Variants in DGKI observed in about 807,000 individuals in gnomAD.
DGKI encodes the protein diacylglycerol kinase iota.
Under a neutral mutation model 147.5 loss-of-function variants are expected in DGKI, and 55 were observed. The observed-to-expected ratio is 0.37, with a 90% CI of 0.30 to 0.47. The LOEUF is 0.47. DGKI is among the 20% of genes least tolerant of loss of function. DGKI has a pLI of 1.00. For missense variants in DGKI, 1,007 were observed against 1,323.8 expected (o/e 0.76, Z 3.71); for synonymous variants, 469 against 477.1 (o/e 0.98, Z 0.22).
intron 15 of DGKI, 74 bp from the exon 16 acceptor site, chr7:137,578,399 C>A: frequency 9.7e-7 from 1 of 1,031,988 alleles, no homozygotes; most frequent in Non-Finnish European, 1.5e-6. Flanking sequence ...ACTCCTACTT[C>A]CTCCCCAGCT....
At chr7:137,623,639 A>T in intron 6 of DGKI, 85 bp from the exon 7 acceptor site, 1 of 1,212,304 alleles carries the variant, frequency 8.2e-7, no homozygotes, top group Admixed American at 1.7e-5. Context: ...AATGACGTGA[A>T]TAAGGCCAGA....
intron 19 of DGKI, among the ~76,000 whole-genome samples, chr7:137,558,161 C>T (rs980666733): frequency 6.6e-5 from 10 of 152,216 alleles, no homozygotes; most frequent in Admixed American, 5.9e-4. Context: ...TCAGCTAATT[C>T]ATAGTTTTTG....
intron 6 of DGKI, among the ~76,000 whole-genome samples, chr7:137,638,499 T>C (rs374119834): frequency 8.5e-6 from 1 of 117,590 alleles, no homozygotes; most frequent in Non-Finnish European, 1.7e-5. Flanking sequence ...CACACATATA[T>C]ATGTATATAT....
At chr7:137,672,700 G>C (rs1230126068) in intron 3 of DGKI, among the ~76,000 whole-genome samples, 1 of 150,170 alleles carries the variant, frequency 6.7e-6, no homozygotes, top group Admixed American at 6.6e-5. Flanking sequence ...GCTTGCAGCT[G>C]CCTCACTCTA....
At chr7:137,435,807 T>C (rs942928326) in intron 28 of DGKI, among the ~76,000 whole-genome samples, 11 of 152,156 alleles carry the variant, frequency 7.2e-5, no homozygotes, top group Admixed American at 1.3e-4. Context: ...TGAGACAGAG[T>C]CTTGCTCTGT....
At chr7:137,812,102 T>C (rs1797607686) in intron 1 of DGKI, among the ~76,000 whole-genome samples, 1 of 152,142 alleles carries the variant, frequency 6.6e-6, no homozygotes, top group Admixed American at 6.5e-5. Context: ...CCCAGGGAGA[T>C]GCCCTTCACT....
intron 27 of DGKI, among the ~76,000 whole-genome samples, chr7:137,451,121 A>C (rs1053081643): frequency 1.1e-4 from 17 of 152,212 alleles, no homozygotes; most frequent in African/African-American, 4.1e-4. Context: ...GAAAACAAAC[A>C]AACAAACAAA....
chr7:137,487,387 G>A (rs1417707104), intron 22 of DGKI, among the ~76,000 whole-genome samples: 2 of 152,124 alleles, frequency 1.3e-5, no homozygotes, highest in Admixed American at 6.6e-5. Context: ...ACACACCAGG[G>A]CAACAGCACC....
chr7:137,730,282 G>A (rs1352850515), intron 1 of DGKI, among the ~76,000 whole-genome samples: 4 of 152,080 alleles, frequency 2.6e-5, no homozygotes, highest in Non-Finnish European at 5.9e-5. Context: ...CCCAGGACCT[G>A]ATGCCTTTCT....
intron 10 of DGKI, among the ~76,000 whole-genome samples, chr7:137,601,593 T>C (rs1442833883): frequency 1.3e-5 from 2 of 152,260 alleles, no homozygotes; most frequent in African/African-American, 4.8e-5. Flanking sequence ...AAATGCAGTA[T>C]ATAAAATAGA....
intron 20 of DGKI, among the ~76,000 whole-genome samples, chr7:137,536,428 T>C (rs1035279022): frequency 6.6e-6 from 1 of 152,090 alleles, no homozygotes; most frequent in African/African-American, 2.4e-5. Flanking sequence ...AGGTGAGACA[T>C]GAACTATGCT....
chr7:137,527,230 C>CA (rs1817182132), intron 20 of DGKI, among the ~76,000 whole-genome samples: 1 of 152,106 alleles, frequency 6.6e-6, no homozygotes, highest in Non-Finnish European at 1.5e-5. Flanking sequence ...AATAAGTGGT[C>CA]AAAAATAATA....
chr7:137,459,898 A>T (rs1814364145), intron 27 of DGKI, among the ~76,000 whole-genome samples: 1 of 152,066 alleles, frequency 6.6e-6, no homozygotes, highest in Non-Finnish European at 1.5e-5. Flanking sequence ...CCAATTTATC[A>T]AATTGAATGC....
rs1248242195 is a variant in DGKI at position 137,395,543 on chromosome 7, C to T, written c.3057+55G>A. The T allele has an allele frequency of 6.5e-6, 10 of 1,535,286 alleles. No individual in the cohort carries two copies. The African/African-American group carries it at 1.2e-4, about 19-fold the overall frequency. ...GTGCTATGGTCACAAGCAAAGGCAACAGCGCCTGCGATCTCGCCCAGCGGG... is the reference window on the plus strand; with the variant it reads ...GTGCTATGGTCACAAGCAAAGGCAATAGCGCCTGCGATCTCGCCCAGCGGG... On this transcript the variant is annotated intron_variant, in intron 32 of 32. Coordinates refer to ENST00000614521, the MANE Select transcript of DGKI (RefSeq NM_001321708.2).
chr7:137,455,640 G>GGC (rs1563029017), intron 27 of DGKI, among the ~76,000 whole-genome samples: 11 of 15,578 alleles, frequency 7.1e-4, no homozygotes, highest in Non-Finnish European at 3.7e-3. Flanking sequence ...AAAAAAAAAA[G>GGC]GGGGGGGGGC....
intron 15 of DGKI, among the ~76,000 whole-genome samples, chr7:137,580,997 A>G (rs1819168862): frequency 6.6e-6 from 1 of 152,164 alleles, no homozygotes; most frequent in South Asian, 2.1e-4. Context: ...ACAGGCATAG[A>G]CATGGATATA....
chr7:137,711,794 A>G (rs867728106), intron 1 of DGKI, among the ~76,000 whole-genome samples: 37 of 146,736 alleles, frequency 2.5e-4, no homozygotes, highest in African/African-American at 8.8e-4. Context: ...CCTGGGTTTA[A>G]GCGATTCTCC....
At position 137,552,356 on chromosome 7, in the gene DGKI, T is replaced by C. The variant is rs1466334036; in HGVS notation, c.2147+13A>G. On this transcript the variant is annotated intron_variant, in intron 20 of 32. Coordinates refer to ENST00000614521, the MANE Select transcript of DGKI (RefSeq NM_001321708.2). ...TCTTCATGTTAAGCAAGGTAGGCCA[T>C]GAGCAGACTCACTCATTGAGTAAAG... 3.1e-6 allele frequency: 5 copies of C among 1,611,736 alleles called. No individual in the cohort carries two copies. The highest frequency in any genetic ancestry group is 4.2e-6 in the Non-Finnish European group (5 of 1,179,392).
intron 20 of DGKI, among the ~76,000 whole-genome samples, chr7:137,530,586 C>T (rs115334063): frequency 0.013 from 2,000 of 152,302 alleles, 45 homozygotes; most frequent in African/African-American, 0.045. Flanking sequence ...AAATCTCCCA[C>T]TACATATGTT....
Sources: allele counts gnomAD v4.1 joint callset (sites outside exome capture counted in the v4.1 genomes callset), GRCh38; gene constraint gnomAD v4.1.1; transcripts MANE v1.5; gene names NCBI Gene and HGNC (gene_info 2026-07-23, HGNC 2026-07-21).